The following KIF13B variants were observed in gnomAD, a reference collection of about 807,000 sequenced individuals.
The protein encoded by KIF13B is kinesin-like protein KIF13B.
In KIF13B, 127 loss-of-function variants were observed where a neutral mutation model predicts 222.0. The observed-to-expected ratio is 0.57, with a 90% confidence interval of 0.50 to 0.66. The LOEUF is 0.66. Ranked by LOEUF, KIF13B falls within the 30% of genes least tolerant of loss-of-function variation. The pLI is 0.00. For synonymous variants in KIF13B, 976 were observed against 919.0 expected, an observed-to-expected ratio of 1.06 and a Z score of -1.12; for missense variants, 2,173 against 2,379.0, an observed-to-expected ratio of 0.91 and a Z score of 1.80.
At chr8:29,172,120 G>A (rs1463069391) in intron 10 of KIF13B, among the ~76,000 whole-genome samples, 19 of 131,532 alleles carry the variant, frequency 1.4e-4, no homozygotes, top group South Asian at 9.5e-4. Context: ...TCACTCCGTC[G>A]CCCAGGCTGG....
intron 8 of KIF13B, among the ~76,000 whole-genome samples, chr8:29,179,836 C>T (rs1481768065): frequency 2.0e-5 from 3 of 152,174 alleles, no homozygotes; most frequent in Non-Finnish European, 4.4e-5. Context: ...ACCCCGGGAG[C>T]CAGATGTGTG....
At chr8:29,165,830 G>A in intron 11 of KIF13B, 58 bp from the exon 12 acceptor site, 1 of 1,231,840 alleles carries the variant, frequency 8.1e-7, no homozygotes, top group Admixed American at 1.8e-5. Context: ...AAAAAGAAGT[G>A]GCCAACTCTA....
chr8:29,247,241 A>C (rs1258320757), intron 1 of KIF13B, among the ~76,000 whole-genome samples: 1 of 152,124 alleles, frequency 6.6e-6, no homozygotes, highest in Non-Finnish European at 1.5e-5. Flanking sequence ...ACAAAAAAGT[A>C]GCCAGGTATG....
intron 26 of KIF13B, 149 bp downstream of exon 26, chr8:29,126,333 A>G (rs1810107899): frequency 3.3e-6 from 2 of 605,874 alleles, no homozygotes; most frequent in East Asian, 5.9e-5. Flanking sequence ...ACAACACTCA[A>G]TGTTCCCTAC....
In KIF13B at chr8:29,140,202, G is replaced by A. The variant is rs370592723; in HGVS notation, c.2485-11C>T. On this transcript the variant is annotated splice_polypyrimidine_tract_variant and intron_variant, in intron 20 of 39. Transcript: ENST00000524189. ...CAGCCGACCTGCCACCTGCAGCAAT[G>A]AGGGAAGGCAGAAACATTTCTCCAG... is the stretch of plus-strand genomic sequence containing the variant. 31 of 1,613,262 alleles carry A rather than the reference G, an allele frequency of 1.9e-5. No homozygotes were observed. In the African/African-American group the frequency reaches 3.7e-4, roughly 19 times the overall value.
intron 1 of KIF13B, among the ~76,000 whole-genome samples, chr8:29,246,244 G>A (rs1338122317): frequency 6.6e-6 from 1 of 152,074 alleles, no homozygotes; most frequent in Non-Finnish European, 1.5e-5. Flanking sequence ...AGACATGGTG[G>A]TGGGCACCTG....
chr8:29,072,914 A>G (rs1488748644), intron 38 of KIF13B, among the ~76,000 whole-genome samples: 1 of 152,032 alleles, frequency 6.6e-6, no homozygotes, highest in African/African-American at 2.4e-5. Flanking sequence ...GTCACTAAAG[A>G]GACCAGAAGA....
intron 2 of KIF13B, among the ~76,000 whole-genome samples, chr8:29,228,269 T>C (rs1245571904): frequency 6.6e-6 from 1 of 150,822 alleles, no homozygotes; most frequent in Non-Finnish European, 1.5e-5. Context: ...GTCGAGACCA[T>C]CCTGGCTAAC....
intron 35 of KIF13B, among the ~76,000 whole-genome samples, chr8:29,104,282 T>G (rs1047658781): frequency 2.6e-5 from 4 of 152,068 alleles, no homozygotes; most frequent in African/African-American, 9.7e-5. Context: ...GCCTGCCCTA[T>G]AGTTCATCTC....
Position 29,216,274 on chromosome 8 carries a change from T to G in KIF13B, c.150-20075A>C, listed in dbSNP as rs535927071. Among the ~76,000 whole-genome samples, 8 of 152,294 alleles carry G rather than the reference T, an allele frequency of 5.3e-5. No individual in the cohort carries two copies. The East Asian group carries it at 1.5e-3, about 29-fold the overall frequency. On this transcript the variant is annotated intron_variant, in intron 2 of 39. Coordinates refer to ENST00000524189, the MANE Select transcript of KIF13B (RefSeq NM_015254.4). The stretch of plus-strand genomic sequence containing the variant: ...TAAATAATTTGTTCAGTAACAAAGC[T>G]AGATTCAAACCTAGGTCTCTCATTC...
chr8:29,244,260 A>T (rs985510956), intron 2 of KIF13B, among the ~76,000 whole-genome samples: 3 of 152,116 alleles, frequency 2.0e-5, no homozygotes, highest in South Asian at 4.2e-4. Flanking sequence ...TGATCTGCCC[A>T]CCTTGGCCTC....
chr8:29,129,383 C>A (rs911854784), intron 24 of KIF13B, among the ~76,000 whole-genome samples: 1 of 152,172 alleles, frequency 6.6e-6, no homozygotes, highest in Non-Finnish European at 1.5e-5. Flanking sequence ...GTGTACAACA[C>A]ATGCTTTAAT....
intron 10 of KIF13B, among the ~76,000 whole-genome samples, chr8:29,169,852 G>A (rs756633192): frequency 2.6e-5 from 4 of 152,138 alleles, no homozygotes; most frequent in Non-Finnish European, 4.4e-5. Context: ...TGGCAGCATC[G>A]CATTGTCCTC....
At chr8:29,261,143 G>A (rs1191112552) in intron 1 of KIF13B, among the ~76,000 whole-genome samples, 2 of 152,172 alleles carry the variant, frequency 1.3e-5, no homozygotes, top group African/African-American at 2.4e-5. Flanking sequence ...AACACAGGAG[G>A]TACTTTACAC....
intron 10 of KIF13B, 60 bp from the exon 11 acceptor site, chr8:29,167,645 G>T: frequency 7.3e-7 from 1 of 1,367,364 alleles, no homozygotes; most frequent in South Asian, 1.2e-5. Flanking sequence ...CGTCATATGA[G>T]AAACCTGAAA....
At chr8:29,216,672 T>C (rs918595353) in intron 2 of KIF13B, among the ~76,000 whole-genome samples, 2 of 152,074 alleles carry the variant, frequency 1.3e-5, no homozygotes, top group South Asian at 2.1e-4. Context: ...CTCCCACCCA[T>C]GGCAAATGAT....
chr8:29,201,420 G>A (rs1242734266), intron 2 of KIF13B, among the ~76,000 whole-genome samples: 9 of 152,102 alleles, frequency 5.9e-5, no homozygotes, highest in South Asian at 2.1e-4. Context: ...GCCAAAATAC[G>A]AAGAAGAAAT....
rs368663225 is a variant in KIF13B at position 29,072,200 on chromosome 8, C to T, written c.4638G>A (p.Ala1546=). ...PSPPPVIAVT[A]VTPAPEAQDG... ...CCTGTGCCTCCGGAGCCGGGGTGAC[C>T]GCTGTGACAGCTATGACAGGCGGTG... Residue 1546 remains alanine (A), a synonymous_variant, in exon 39 of 40, where the codon GCG becomes GCA. Transcript: ENST00000524189. The T allele has an allele frequency of 9.6e-6, 14 of 1,454,630 alleles. No homozygotes were observed. The highest frequency in any genetic ancestry group is 2.7e-5 in the Admixed American group (1 of 37,236). 90.1% of individuals were successfully genotyped at this position (1,454,630 alleles called of 1,614,324 possible). A position where few individuals can be genotyped will look rare whatever the true frequency, so the allele number is the denominator to read the frequency against.
chr8:29,132,545 T>G, intron 22 of KIF13B, 80 bp from the exon 23 acceptor site: 1 of 888,266 alleles, frequency 1.1e-6, no homozygotes, highest in Non-Finnish European at 1.5e-6. Context: ...ATCACATACT[T>G]AATTATATCA....
Sources: gnomAD v4.1 joint callset for allele counts (sites outside exome capture counted in the v4.1 genomes callset) on GRCh38, gnomAD v4.1.1 for gene constraint, MANE v1.5 for transcripts, NCBI Gene and HGNC (gene_info 2026-07-23, HGNC 2026-07-21) for gene names.